ATP10B: variants seen among roughly 807,000 people sequenced by gnomAD.
ATP10B encodes ATPase phospholipid transporting 10B (putative), also known as phospholipid-transporting ATPase VB.
ATP10B carries 122 observed loss-of-function variants against 141.2 expected under a neutral mutation model. That is an observed-to-expected ratio of 0.86 (90% confidence interval 0.75 to 1.00). The LOEUF is 1.00. Ranked by LOEUF, ATP10B falls within the 50% of genes least tolerant of loss-of-function variation. The pLI is 0.00. For synonymous variants in ATP10B, 685 were observed against 692.0 expected (o/e 0.99, Z 0.16); for missense variants, 1,876 against 1,825.3 (o/e 1.03, Z -0.51).
At chr5:160,830,618 T>C (rs1452240538) in intron 1 of ATP10B, among the ~76,000 whole-genome samples, 1 of 152,144 alleles carries the variant, frequency 6.6e-6, no homozygotes, top group African/African-American at 2.4e-5. Context: ...ATGTAATCTA[T>C]GTTCATTAGA....
At chr5:160,745,546 C>T (rs1482939736) in intron 2 of ATP10B, among the ~76,000 whole-genome samples, 1 of 152,206 alleles carries the variant, frequency 6.6e-6, no homozygotes, top group Non-Finnish European at 1.5e-5. Context: ...AGAATATCAG[C>T]CATTGCAGGT....
chr5:160,592,868 G>A (rs962180738), intron 22 of ATP10B, among the ~76,000 whole-genome samples: 7 of 152,240 alleles, frequency 4.6e-5, no homozygotes, highest in Non-Finnish European at 1.0e-4. Context: ...GGGGAGGGGC[G>A]CCTGCCATTG....
At chr5:160,573,916 G>A (rs1755034526) in intron 24 of ATP10B, among the ~76,000 whole-genome samples, 1 of 152,178 alleles carries the variant, frequency 6.6e-6, no homozygotes, top group Non-Finnish European at 1.5e-5. Context: ...TAAGAACGAT[G>A]TAACATTCCT....
intron 3 of ATP10B, among the ~76,000 whole-genome samples, chr5:160,706,264 G>A (rs1226860891): frequency 6.6e-6 from 1 of 152,200 alleles, no homozygotes; most frequent in East Asian, 1.9e-4. Context: ...AAAAATCATG[G>A]TGGTGTTCTT....
intron 2 of ATP10B, among the ~76,000 whole-genome samples, chr5:160,720,828 T>C (rs1049768583): frequency 2.6e-5 from 4 of 152,222 alleles, no homozygotes; most frequent in African/African-American, 9.7e-5. Context: ...GTAGCTTTGG[T>C]AGAGAAGCAT....
chr5:160,623,465 C>T (rs1024061639), intron 13 of ATP10B, among the ~76,000 whole-genome samples: 18 of 152,084 alleles, frequency 1.2e-4, no homozygotes, highest in African/African-American at 3.9e-4. Context: ...TGCTCCAATA[C>T]TGGTCTAGTT....
At chr5:160,612,969 A>G in intron 17 of ATP10B, 44 bp from the exon 18 acceptor site, 3 of 1,562,506 alleles carry the variant, frequency 1.9e-6, no homozygotes, top group Non-Finnish European at 2.6e-6. Context: ...ATCGTAAAAG[A>G]GTAGTTGCTT....
chr5:160,879,843 A>T, the ATP10B span, among the ~76,000 whole-genome samples: 2 of 152,054 alleles, frequency 1.3e-5, no homozygotes, highest in African/African-American at 2.4e-5. Flanking sequence ...ATCCAAAAAC[A>T]AACAAACAAA....
intron 1 of ATP10B, among the ~76,000 whole-genome samples, chr5:160,827,275 G>A (rs1457200191): frequency 6.6e-6 from 1 of 152,138 alleles, no homozygotes; most frequent in Non-Finnish European, 1.5e-5. Context: ...TTGAAATATT[G>A]GGGGCAGGTT....
In ATP10B at chr5:160,591,147, G is replaced by T; in HGVS notation, c.3565-8C>A. On this transcript the variant is annotated splice_region_variant and splice_polypyrimidine_tract_variant and intron_variant, in intron 22 of 25. Transcript: ENST00000327245. ...AGTCGACAGGTTATAGCACTGCCAGGAGAGAACACACCAATAATTATCACC... is the reference window on the plus strand; with the variant it reads ...AGTCGACAGGTTATAGCACTGCCAGTAGAGAACACACCAATAATTATCACC... 6.2e-7 allele frequency: 1 copy of T among 1,610,692 alleles called. No homozygotes were observed. The highest frequency in any genetic ancestry group is 8.5e-7 in the Non-Finnish European group (1 of 1,178,400).
intron 24 of ATP10B, 46 bp downstream of exon 24, chr5:160,589,546 G>A: frequency 2.1e-6 from 3 of 1,426,088 alleles, no homozygotes; most frequent in Non-Finnish European, 3.0e-6. Context: ...TATAGTCAAT[G>A]GGCAGGAGCA....
intron 3 of ATP10B, among the ~76,000 whole-genome samples, chr5:160,693,355 C>T (rs1160077468): frequency 1.3e-5 from 2 of 149,022 alleles, no homozygotes; most frequent in African/African-American, 5.0e-5. Context: ...AGGAAATCCA[C>T]CCCAAAGTAT....
chr5:160,879,101 G>C, the ATP10B span, among the ~76,000 whole-genome samples: 4 of 62,634 alleles, frequency 6.4e-5, no homozygotes, highest in African/African-American at 2.5e-4. Context: ...GTTTATTGTG[G>C]CATTATTCAC....
At chr5:160,721,155 A>G (rs1408940742) in intron 2 of ATP10B, among the ~76,000 whole-genome samples, 1 of 152,242 alleles carries the variant, frequency 6.6e-6, no homozygotes, top group African/African-American at 2.4e-5. Context: ...ATCACAGAAC[A>G]GGATGTCAGA....
At chr5:160,782,807 A>G (rs544559178) in intron 2 of ATP10B, among the ~76,000 whole-genome samples, 1 of 151,802 alleles carries the variant, frequency 6.6e-6, no homozygotes, top group South Asian at 2.1e-4. Flanking sequence ...CACACACACA[A>G]ACTACAAAGG....
Position 160,740,530 on chromosome 5 carries a change from C to T in ATP10B, c.-330-23496G>A, listed in dbSNP as rs548980312. On this transcript the variant is annotated intron_variant, in intron 2 of 25. Coordinates refer to ENST00000327245, the MANE Select transcript of ATP10B (RefSeq NM_025153.3). The stretch of plus-strand genomic sequence containing the variant: ...CTGAGGAGCCATGTTGAAATATTAT[C>T]ACCTTTCCCCTGAGAGTTCTTCAAA... Among the ~76,000 whole-genome samples the T allele has an allele frequency of 6.6e-5, 10 of 152,300 alleles. No individual in the cohort carries two copies. In the South Asian group the frequency reaches 2.1e-3, roughly 32 times the overall value.
intron 1 of ATP10B, among the ~76,000 whole-genome samples, chr5:160,843,892 A>G (rs985080027): frequency 3.3e-5 from 5 of 151,948 alleles, no homozygotes; most frequent in Non-Finnish European, 7.4e-5. Flanking sequence ...AAAATTTTAT[A>G]CTTTTCTGTA....
At chr5:160,775,240 A>T (rs570693596) in intron 2 of ATP10B, among the ~76,000 whole-genome samples, 1 of 152,266 alleles carries the variant, frequency 6.6e-6, no homozygotes, top group South Asian at 2.1e-4. Context: ...GCTGAAGTAG[A>T]CCTGTATCTG....
At chr5:160,734,035 G>T (rs1211823797) in intron 2 of ATP10B, among the ~76,000 whole-genome samples, 1 of 149,998 alleles carries the variant, frequency 6.7e-6, no homozygotes, top group Non-Finnish European at 1.5e-5. Context: ...TTGAACCCGG[G>T]AGGTGGAGGT....
Sources: gnomAD v4.1 joint callset for allele counts (sites outside exome capture counted in the v4.1 genomes callset) on GRCh38, gnomAD v4.1.1 for gene constraint, MANE v1.5 for transcripts, NCBI Gene and HGNC (gene_info 2026-07-23, HGNC 2026-07-21) for gene names.